The following GALNT13 variants were observed in gnomAD, a reference collection of about 807,000 sequenced individuals.
The protein encoded by GALNT13 is UDP-GalNAc:polypeptide N-acetylgalactosaminyltransferase 13.
Under a neutral mutation model 64.2 loss-of-function variants are expected in GALNT13, and 28 were observed. The ratio of observed to expected loss-of-function variants is 0.44; its 90% CI spans 0.32 to 0.60. The LOEUF (loss-of-function observed/expected upper bound fraction) is 0.60, where lower values mean the gene tolerates loss of function less well. Ranked by LOEUF, GALNT13 falls within the 20% of genes least tolerant of loss-of-function variation. The probability of loss-of-function intolerance (pLI) is 0.05; values close to 1 mark genes in which losing one functional copy is unlikely to be tolerated. For synonymous variants in GALNT13, 214 were observed against 224.6 expected, an observed-to-expected ratio of 0.95 and a Z score of 0.42; for missense variants, 577 against 669.8, an observed-to-expected ratio of 0.86 and a Z score of 1.53.
intron 3 of GALNT13, among the ~76,000 whole-genome samples, chr2:154,004,072 T>G (rs1185183499): frequency 1.3e-5 from 2 of 152,202 alleles, no homozygotes; most frequent in Admixed American, 1.3e-4. Flanking sequence ...TACCTTTCAT[T>G]AGACCTTTAA....
At chr2:153,792,631 A>G in the GALNT13 span, among the ~76,000 whole-genome samples, 2 of 152,170 alleles carry the variant, frequency 1.3e-5, no homozygotes, top group Non-Finnish European at 2.9e-5. Context: ...TTTTCCAGGC[A>G]TGATTTTTAA....
chr2:153,163,974 C>T, the GALNT13 span, among the ~76,000 whole-genome samples: 96 of 149,622 alleles, frequency 6.4e-4, no homozygotes, highest in South Asian at 1.7e-3. Context: ...GCCGAGATCG[C>T]GCCACTGCAC....
At chr2:154,410,426 C>T (rs1274572951) in intron 11 of GALNT13, among the ~76,000 whole-genome samples, 1 of 151,934 alleles carries the variant, frequency 6.6e-6, no homozygotes, top group Non-Finnish European at 1.5e-5. Flanking sequence ...TAACTTTTAT[C>T]ATCAGCTGGT....
At chr2:154,277,085 A>G (rs62171254) in intron 8 of GALNT13, among the ~76,000 whole-genome samples, 5 of 152,210 alleles carry the variant, frequency 3.3e-5, no homozygotes, top group Non-Finnish European at 7.4e-5. Flanking sequence ...TTAGAGTAGA[A>G]CATCTGATTT....
chr2:153,140,394 T>C, the GALNT13 span, among the ~76,000 whole-genome samples: 1 of 151,960 alleles, frequency 6.6e-6, no homozygotes, highest in Non-Finnish European at 1.5e-5. Context: ...AAAGGACAGG[T>C]TGTCTTTATA....
At chr2:153,295,527 T>TAAAAAAAAAAAAAAAA in the GALNT13 span, among the ~76,000 whole-genome samples, 2 of 139,750 alleles carry the variant, frequency 1.4e-5, no homozygotes. Flanking sequence ...CTGGAGTACC[T>TAAAAAAAAAAAAAAAA]AAAAAAAAAA....
chr2:153,604,011 T>G, the GALNT13 span, among the ~76,000 whole-genome samples: 2 of 152,072 alleles, frequency 1.3e-5, no homozygotes, highest in Non-Finnish European at 2.9e-5. Context: ...TCCGTTTCAT[T>G]AGTCAAATGG....
chr2:153,156,353 A>G, the GALNT13 span, among the ~76,000 whole-genome samples: 1 of 152,168 alleles, frequency 6.6e-6, no homozygotes, highest in African/African-American at 2.4e-5. Flanking sequence ...TTTCTATTAC[A>G]GGTTTTTCTC....
intron 3 of GALNT13, among the ~76,000 whole-genome samples, chr2:154,051,452 G>A (rs1025713031): frequency 5.3e-5 from 8 of 150,952 alleles, no homozygotes; most frequent in African/African-American, 1.2e-4. Context: ...CACCGCGCCC[G>A]GCTAATTTTT....
At chr2:154,184,744 A>G (rs1217543451) in intron 4 of GALNT13, among the ~76,000 whole-genome samples, 1 of 152,160 alleles carries the variant, frequency 6.6e-6, no homozygotes, top group Non-Finnish European at 1.5e-5. Context: ...ACCAGAACTT[A>G]TAGAGCAATA....
chr2:153,782,352 T>C, the GALNT13 span, among the ~76,000 whole-genome samples: 3 of 152,206 alleles, frequency 2.0e-5, no homozygotes, highest in Admixed American at 1.3e-4. Context: ...CTGGGCTATA[T>C]GGTATAGCCT....
At chr2:153,862,195 A>G in the GALNT13 span, among the ~76,000 whole-genome samples, 1 of 152,178 alleles carries the variant, frequency 6.6e-6, no homozygotes, top group African/African-American at 2.4e-5. Context: ...ACTACAATTT[A>G]AAGATTCACA....
chr2:153,429,709 G>C, the GALNT13 span, among the ~76,000 whole-genome samples: 2 of 151,962 alleles, frequency 1.3e-5, no homozygotes, highest in Non-Finnish European at 2.9e-5. Flanking sequence ...GTATTTCGAA[G>C]TACAAAATTT....
intron 11 of GALNT13, among the ~76,000 whole-genome samples, chr2:154,434,630 G>C (rs1394417069): frequency 6.6e-6 from 1 of 152,014 alleles, no homozygotes; most frequent in Non-Finnish European, 1.5e-5. Flanking sequence ...TAAAAGAGTT[G>C]ACTCAAAAAT....
chr2:153,630,756 A>G, the GALNT13 span, among the ~76,000 whole-genome samples: 1 of 116,678 alleles, frequency 8.6e-6, no homozygotes, highest in African/African-American at 3.2e-5. Flanking sequence ...AAAAAATTTT[A>G]GGCTTCATAT....
the GALNT13 span, among the ~76,000 whole-genome samples, chr2:153,349,090 C>T: frequency 1.5e-3 from 230 of 152,252 alleles, 2 homozygotes; most frequent in Non-Finnish European, 1.6e-3. Context: ...TTAGATTCCA[C>T]CTAATGGACT....
rs75309123 is a variant in GALNT13, at chr2:154,268,944, G to A, written c.975+9806G>A. 2.4e-3 allele frequency among the ~76,000 whole-genome samples: 364 copies of A among 152,002 alleles called. 3 individuals are homozygous for A. Among genetic ancestry groups the A allele is most frequent in the East Asian group, 0.023 (119 of 5,178 alleles). ...AACTAATATTTTAATTAACAAGATC[G>A]AATTTACTTCAAGTACCCCAATTTT... On this transcript the variant is annotated intron_variant, in intron 8 of 12. Transcript: ENST00000392825.
the GALNT13 span, among the ~76,000 whole-genome samples, chr2:153,304,733 A>G: frequency 6.6e-6 from 1 of 152,220 alleles, no homozygotes; most frequent in Non-Finnish European, 1.5e-5. Flanking sequence ...TAAAAAATAA[A>G]TAAAATGGGC....
At chr2:153,864,692 C>T in the GALNT13 span, among the ~76,000 whole-genome samples, 227 of 151,840 alleles carry the variant, frequency 1.5e-3, no homozygotes, top group African/African-American at 5.2e-3. Context: ...ATTCCATGCT[C>T]ATGGGTAGGA....
Sources: gnomAD v4.1 joint callset for allele counts (sites outside exome capture counted in the v4.1 genomes callset) on GRCh38, gnomAD v4.1.1 for gene constraint, MANE v1.5 for transcripts, NCBI Gene and HGNC (gene_info 2026-07-23, HGNC 2026-07-21) for gene names.